ARNT2: variants seen among roughly 807,000 people sequenced by gnomAD.
ARNT2 encodes the protein aryl hydrocarbon receptor nuclear translocator 2.
A neutral mutation model predicts 91.7 loss-of-function variants in ARNT2; 36 were observed. The ratio of observed to expected loss-of-function variants is 0.39; its 90% confidence interval spans 0.30 to 0.52. ARNT2 has a LOEUF of 0.52. ARNT2 is among the 20% of genes least tolerant of loss of function. The pLI is 0.72. For synonymous variants in ARNT2, 365 were observed against 347.1 expected, an observed-to-expected ratio of 1.05 and a Z score of -0.57; for missense variants, 775 against 939.3, an observed-to-expected ratio of 0.83 and a Z score of 2.29.
intron 1 of ARNT2, among the ~76,000 whole-genome samples, chr15:80,440,574 C>T (rs942422626): frequency 6.6e-6 from 1 of 152,134 alleles, no homozygotes; most frequent in Non-Finnish European, 1.5e-5. Flanking sequence ...AGAGGAGAGC[C>T]AGAGCTCTAC....
Position 80,450,885 on chromosome 15 carries a change from G to T in ARNT2, c.37G>T (p.Ala13Ser). 1 of 1,614,170 alleles carries T rather than the reference G, an allele frequency of 6.2e-7. No individual in the cohort carries two copies. The highest frequency in any genetic ancestry group is 8.5e-7 in the Non-Finnish European group (1 of 1,180,002). Residue 13 changes from alanine to serine, a missense_variant, in exon 2 of 19, where the codon GCT (alanine) becomes TCT (serine). Ala to Ser is a moderately conservative substitution (Grantham distance 99). Transcript: ENST00000303329. ...TTGTCTTTGCTGAATTCCAGAAATGGCTTCAGACATACCTGGATCTGTGAC... is the reference window on the plus strand; with the variant it reads ...TTGTCTTTGCTGAATTCCAGAAATGTCTTCAGACATACCTGGATCTGTGAC... ...TPAAVNPPEM[A>S]SDIPGSVTLP...
intron 2 of ARNT2, 89 bp from the exon 3 acceptor site, chr15:80,457,840 A>C: frequency 7.0e-7 from 1 of 1,423,968 alleles, no homozygotes. Flanking sequence ...AGTCCTAGTG[A>C]ATAAAGCTCC....
chr15:80,589,799 C>T (rs957634371), intron 17 of ARNT2, among the ~76,000 whole-genome samples: 6 of 152,214 alleles, frequency 3.9e-5, no homozygotes, highest in African/African-American at 1.4e-4. Flanking sequence ...CCTCCTGGCC[C>T]TTGGGGTCTT....
At chr15:80,478,015 G>A (rs1057041177) in intron 5 of ARNT2, among the ~76,000 whole-genome samples, 6 of 152,182 alleles carry the variant, frequency 3.9e-5, no homozygotes, top group Non-Finnish European at 7.4e-5. Flanking sequence ...GTAAAACAGC[G>A]ATGCTGAAAT....
chr15:80,571,381 A>G (rs955872767), intron 12 of ARNT2, among the ~76,000 whole-genome samples: 1 of 152,168 alleles, frequency 6.6e-6, no homozygotes, highest in Non-Finnish European at 1.5e-5. Context: ...CTTTTGTGTA[A>G]TCCAAACAGC....
At chr15:80,573,932 T>A in intron 12 of ARNT2, 2 of 549,658 alleles carry the variant, frequency 3.6e-6, no homozygotes, top group Non-Finnish European at 6.5e-6. Flanking sequence ...CAAAATTGGT[T>A]TCTTAAATAG....
intron 15 of ARNT2, chr15:80,580,122 G>A (rs1898763575): frequency 8.3e-6 from 3 of 363,582 alleles, no homozygotes; most frequent in Non-Finnish European, 1.5e-5. Flanking sequence ...TACAGGCATA[G>A]GATAGGGGCT....
At position 80,585,605 on chromosome 15, in the gene ARNT2, T is replaced by C. The variant is rs76124911; in HGVS notation, c.1918+4201T>C. Among the ~76,000 whole-genome samples the C allele has an allele frequency of 4.6e-4, 70 of 152,312 alleles. 1 individual carries two copies. The East Asian group carries it at 0.013, about 28-fold the overall frequency. The stretch of plus-strand genomic sequence containing the variant: ...TCTTGGTAACACACTGTGGATGCTC[T>C]GGACTGCAGTGGGTCTGTAAAAGCA... On this transcript the variant is annotated intron_variant, in intron 17 of 18. Coordinates refer to ENST00000303329, the MANE Select transcript of ARNT2 (RefSeq NM_014862.4).
intron 2 of ARNT2, among the ~76,000 whole-genome samples, chr15:80,455,140 G>T (rs1896462750): frequency 4.6e-5 from 7 of 152,142 alleles, no homozygotes; most frequent in Admixed American, 4.6e-4. Context: ...ATCCAAGATG[G>T]TGATAGCAGT....
Position 80,475,128 on chromosome 15 carries a change from C to T in ARNT2, c.527C>T (p.Ser176Leu), listed in dbSNP as rs759413715. The change falls in exon 5 of 19, where the codon TCA (serine) becomes TTA (leucine). Residue 176 changes from serine (S) to leucine (L), a missense_variant. Around this residue, in one of 5 missense-constraint regions of ARNT2, gnomAD observed 285 missense variants for 327.2 expected, o/e 0.87. Transcript: ENST00000303329. ...SVTPVLNQPQ[S>L]EWFGSTLYEQ... ...ACCCCTGTTCTGAACCAGCCCCAGT[C>T]AGAGTGGTTTGGGAGCACACTGTAT... 1.2e-6 allele frequency: 2 copies of T among 1,614,208 alleles called. No individual in the cohort carries two copies.
chr15:80,461,925 C>A (rs936313525), intron 3 of ARNT2, among the ~76,000 whole-genome samples: 1 of 152,158 alleles, frequency 6.6e-6, no homozygotes, highest in African/African-American at 2.4e-5. Context: ...TGGTGATAAA[C>A]CCTGTGTCTT....
intron 12 of ARNT2, among the ~76,000 whole-genome samples, chr15:80,567,450 C>G (rs1281834821): frequency 6.6e-6 from 1 of 152,080 alleles, no homozygotes; most frequent in Non-Finnish European, 1.5e-5. Flanking sequence ...TTCTTGAGCT[C>G]CAAGAACGTA....
intron 5 of ARNT2, among the ~76,000 whole-genome samples, chr15:80,498,978 G>A (rs1290913275): frequency 2.0e-5 from 3 of 152,154 alleles, no homozygotes; most frequent in Non-Finnish European, 1.5e-5. Flanking sequence ...TCCTGACTCC[G>A]CAGTTCTCAG....
chr15:80,487,257 T>C (rs989880925), intron 5 of ARNT2, among the ~76,000 whole-genome samples: 1 of 152,120 alleles, frequency 6.6e-6, no homozygotes, highest in Non-Finnish European at 1.5e-5. Context: ...CCTGCCCACC[T>C]CCCCGTGCCT....
chr15:80,577,470 G>A (rs1014710898), intron 15 of ARNT2, among the ~76,000 whole-genome samples: 2 of 152,334 alleles, frequency 1.3e-5, no homozygotes, highest in African/African-American at 4.8e-5. Flanking sequence ...AGGTCACTGA[G>A]GAAGCCCTGA....
At position 80,528,280 on chromosome 15, in the gene ARNT2, C is replaced by T. The variant is rs528317272; in HGVS notation, c.877+13875C>T. Among the ~76,000 whole-genome samples the T allele has an allele frequency of 1.8e-4, 27 of 152,218 alleles. No homozygotes were observed. In the South Asian group the frequency reaches 5.6e-3, roughly 32 times the overall value. ...CAGAGTCTGAATGCTTAAGCATTACCCTTGCTGCCTCCTTCACTCTGCCAA... is the reference window on the plus strand; with the variant it reads ...CAGAGTCTGAATGCTTAAGCATTACTCTTGCTGCCTCCTTCACTCTGCCAA... On this transcript the variant is annotated intron_variant, in intron 8 of 18. Coordinates refer to ENST00000303329, the MANE Select transcript of ARNT2 (RefSeq NM_014862.4).
chr15:80,459,240 C>G (rs1296452694), intron 3 of ARNT2, among the ~76,000 whole-genome samples: 3 of 152,222 alleles, frequency 2.0e-5, no homozygotes, highest in African/African-American at 7.2e-5. Context: ...ATTTTGGTCA[C>G]TAATGACCTT....
intron 2 of ARNT2, 86 bp from the exon 3 acceptor site, chr15:80,457,843 A>G (rs1896501572): frequency 6.9e-7 from 1 of 1,441,564 alleles, no homozygotes. Context: ...CCTAGTGAAT[A>G]AAGCTCCTTT....
intron 8 of ARNT2, among the ~76,000 whole-genome samples, chr15:80,534,279 C>T (rs865825586): frequency 2.0e-5 from 3 of 151,952 alleles, no homozygotes; most frequent in Non-Finnish European, 4.4e-5. Context: ...CTCTGCAAAG[C>T]GTAACTTTTT....
Sources: gnomAD v4.1 joint callset for allele counts (sites outside exome capture counted in the v4.1 genomes callset) on GRCh38, gnomAD v4.1.1 for gene constraint, gnomAD v4.1.1 regional missense constraint, MANE v1.5 for transcripts, NCBI Gene and HGNC (gene_info 2026-07-23, HGNC 2026-07-21) for gene names.